Variants in POR observed in about 807,000 individuals in gnomAD.
POR encodes the protein cytochrome p450 oxidoreductase.
POR carries 56 observed loss-of-function variants against 84.0 expected under a neutral mutation model. The ratio of observed to expected loss-of-function variants is 0.67; its 90% CI spans 0.54 to 0.83. The LOEUF is 0.83. POR is among the 40% of genes least tolerant of loss of function. The pLI is 0.00. For synonymous variants in POR, 414 were observed against 400.5 expected (o/e 1.03, Z -0.40); for missense variants, 938 against 944.3 (o/e 0.99, Z 0.09).
rs555591601 is a variant in POR at position 75,979,403 on chromosome 7, G to A, written c.238-48G>A. On this transcript the variant is annotated intron_variant, in intron 3 of 15. Transcript: ENST00000461988. ...TGCCCAGTGGGTGTTCACCGGAGCC[G>A]TGGCTGAGGTCTGTGGCCCTCACCA... is the stretch of plus-strand genomic sequence containing the variant. The A allele has an allele frequency of 9.8e-5, 157 of 1,599,208 alleles. 1 individual carries two copies. The South Asian group carries it at 1.2e-3, about 12-fold the overall frequency.
chr7:75,951,687 T>A (rs2116400129), intron 1 of POR, among the ~76,000 whole-genome samples: 1 of 152,302 alleles, frequency 6.6e-6, no homozygotes, highest in Non-Finnish European at 1.5e-5. Context: ...CCTGATTGAG[T>A]CTGGGTGCTC....
chr7:75,917,242 A>G (rs1196662670), intron 1 of POR, among the ~76,000 whole-genome samples: 3 of 151,674 alleles, frequency 2.0e-5, no homozygotes, highest in Admixed American at 6.6e-5. Context: ...TAATTTTTTA[A>G]ATGTTTTTTA....
chr7:75,929,201 TA>T (rs574069676), intron 1 of POR, among the ~76,000 whole-genome samples: 18 of 152,352 alleles, frequency 1.2e-4, no homozygotes, highest in African/African-American at 3.8e-4. Flanking sequence ...TTCTAGAATT[TA>T]AACACATGCT....
At chr7:75,940,933 C>T (rs1023274889) in intron 1 of POR, among the ~76,000 whole-genome samples, 10 of 152,056 alleles carry the variant, frequency 6.6e-5, no homozygotes, top group African/African-American at 1.2e-4. Context: ...GGCCAAGGTG[C>T]GAGGATCGCT....
chr7:75,973,940 A>C (rs988372751), intron 3 of POR, among the ~76,000 whole-genome samples: 3 of 151,856 alleles, frequency 2.0e-5, no homozygotes, highest in African/African-American at 7.3e-5. Context: ...GGTCTCCCAA[A>C]GTGCTGGGAT....
Position 75,981,085 on chromosome 7 carries a change from A to G in POR, c.554A>G (p.Asn185Ser), listed in dbSNP as rs782763044. The stretch of plus-strand genomic sequence containing the variant: ...GGGAACAAGACCTACGAGCACTTCA[A>G]TGCCATGGGCAAGTACGTGGACAAG... Residue 185 changes from asparagine to serine, a missense_variant, in exon 6 of 16, where the codon AAT becomes AGT. Transcript: ENST00000461988. 1.2e-5 allele frequency: 19 copies of G among 1,574,932 alleles called. No homozygotes were observed. Among genetic ancestry groups the G allele is most frequent in the Middle Eastern group, 1.7e-4 (1 of 5,816 alleles).
chr7:75,961,406 C>T (rs1427999281), intron 2 of POR, among the ~76,000 whole-genome samples: 3 of 152,196 alleles, frequency 2.0e-5, no homozygotes, highest in African/African-American at 7.2e-5. Context: ...CCCTCCAGCC[C>T]GCTCAGGCTG....
chr7:75,953,966 C>T, intron 1 of POR, 23 bp from the exon 2 acceptor site: 2 of 1,541,358 alleles, frequency 1.3e-6, no homozygotes, highest in Non-Finnish European at 1.8e-6. Context: ...CTGCTGACAT[C>T]TGCTGTTTCT....
chr7:75,937,165 G>C (rs1319275471), intron 1 of POR, among the ~76,000 whole-genome samples: 1 of 150,346 alleles, frequency 6.7e-6, no homozygotes, highest in Non-Finnish European at 1.5e-5. Flanking sequence ...AAAATTAATT[G>C]AGGCAATCAG....
intron 3 of POR, among the ~76,000 whole-genome samples, chr7:75,976,335 C>G (rs782087162): frequency 1.3e-5 from 2 of 151,884 alleles, no homozygotes; most frequent in Non-Finnish European, 2.9e-5. Context: ...CCCAGGTACT[C>G]GGGAGGCTGA....
intron 1 of POR, among the ~76,000 whole-genome samples, chr7:75,918,484 A>G (rs567322238): frequency 6.6e-6 from 1 of 152,268 alleles, no homozygotes; most frequent in East Asian, 1.9e-4. Flanking sequence ...CTAAAGTCAG[A>G]GAAAGAACCC....
At chr7:75,927,812 A>G (rs1232926654) in intron 1 of POR, among the ~76,000 whole-genome samples, 1 of 151,314 alleles carries the variant, frequency 6.6e-6, no homozygotes, top group Non-Finnish European at 1.5e-5. Context: ...CTGGGATTAC[A>G]GGTGCCCACC....
chr7:75,944,344 T>C (rs1043370635), intron 1 of POR, among the ~76,000 whole-genome samples: 6 of 152,216 alleles, frequency 3.9e-5, no homozygotes, highest in South Asian at 2.1e-4. Context: ...CCCAGCAACA[T>C]GGTGAGACCC....
intron 1 of POR, among the ~76,000 whole-genome samples, chr7:75,949,969 C>T (rs1455722974): frequency 6.6e-6 from 1 of 152,070 alleles, no homozygotes; most frequent in African/African-American, 2.4e-5. Flanking sequence ...CACCATTCTC[C>T]CACCTCACCT....
At chr7:75,975,167 T>C (rs950841389) in intron 3 of POR, among the ~76,000 whole-genome samples, 11 of 151,980 alleles carry the variant, frequency 7.2e-5, no homozygotes, top group Non-Finnish European at 1.6e-4. Flanking sequence ...ATTTTTTTTT[T>C]CTAGTACTTT....
At chr7:75,924,397 T>C (rs1424802029) in intron 1 of POR, among the ~76,000 whole-genome samples, 1 of 152,178 alleles carries the variant, frequency 6.6e-6, no homozygotes, top group Non-Finnish European at 1.5e-5. Flanking sequence ...TTAAAAATCC[T>C]AGGGCCTGGC....
Position 75,945,002 on chromosome 7 carries a change from T to C in POR, c.-4-8987T>C, listed in dbSNP as rs1239252541. Among the ~76,000 whole-genome samples the C allele has an allele frequency of 2.6e-5, 4 of 152,072 alleles. No homozygotes were observed. In the East Asian group the frequency reaches 5.8e-4, roughly 22 times the overall value. The stretch of plus-strand genomic sequence containing the variant: ...GGCTGAAAAGTTATTTAAAAAATAA[T>C]GGCGGCCGGGCACGGTGGCTCACTC... On this transcript the variant is annotated intron_variant, in intron 1 of 15. Coordinates refer to ENST00000461988, the MANE Select transcript of POR (RefSeq NM_000941.3).
At chr7:75,945,114 C>T (rs1240629789) in intron 1 of POR, among the ~76,000 whole-genome samples, 1 of 152,034 alleles carries the variant, frequency 6.6e-6, no homozygotes, top group African/African-American at 2.4e-5. Flanking sequence ...AACCCTGTCT[C>T]TACTAAAAAT....
intron 1 of POR, among the ~76,000 whole-genome samples, chr7:75,938,292 T>C (rs1431794368): frequency 6.6e-6 from 1 of 152,170 alleles, no homozygotes; most frequent in African/African-American, 2.4e-5. Flanking sequence ...GAAAGCCCCG[T>C]GACTGCATTG....
Sources: allele counts gnomAD v4.1 joint callset (sites outside exome capture counted in the v4.1 genomes callset), GRCh38; gene constraint gnomAD v4.1.1; transcripts MANE v1.5; gene names NCBI Gene and HGNC (gene_info 2026-07-23, HGNC 2026-07-21).